PIKFYVE: variants seen among roughly 807,000 people sequenced by gnomAD.
The protein encoded by PIKFYVE is 1-phosphatidylinositol 3-phosphate 5-kinase.
PIKFYVE carries 122 observed loss-of-function variants against 257.9 expected under a neutral mutation model. The observed-to-expected ratio is 0.47, with a 90% CI of 0.41 to 0.55. The LOEUF (loss-of-function observed/expected upper bound fraction) is 0.55. Ranked by LOEUF, PIKFYVE falls within the 20% of genes least tolerant of loss-of-function variation. The probability of loss-of-function intolerance (pLI) is 0.00; values close to 1 mark genes in which losing one functional copy is unlikely to be tolerated. For missense variants in PIKFYVE, 2,160 were observed against 2,536.6 expected, an observed-to-expected ratio of 0.85 and a Z score of 3.19; for synonymous variants, 892 against 868.9, an observed-to-expected ratio of 1.03 and a Z score of -0.47.
chr2:208,335,904 A>G lies in PIKFYVE; in HGVS notation c.4365+3A>G, dbSNP rs371069246. The G allele has an allele frequency of 1.7e-5, 27 of 1,601,460 alleles. No individual in the cohort carries two copies. The African/African-American group carries it at 3.3e-4, about 20-fold the overall frequency. ...AAGATATTTTTGCACAGAAAGAGGT[A>G]ATTTATTTCTTTGGTAGAAAATTCA... On this transcript the variant is annotated splice_donor_region_variant and intron_variant, in intron 26 of 41. Coordinates refer to ENST00000264380, the MANE Select transcript of PIKFYVE (RefSeq NM_015040.4).
rs777342482 is a variant in PIKFYVE, at chr2:208,333,442, A to T, written c.4091A>T (p.His1364Leu). 6.2e-7 allele frequency: 1 copy of T among 1,614,110 alleles called. No homozygotes were observed. Among genetic ancestry groups the T allele is most frequent in the Admixed American group, 1.7e-5 (1 of 60,014 alleles). ...GCTGAGCCCTGTGGTCACTCCATCC[A>T]TCATGATTATCACCAGTATTTCTCC... ...ANAEPCGHSI[H>L]HDYHQYFSYN... is the part of the protein sequence containing the mutation. The change falls in exon 24 of 42, where the codon CAT becomes CTT. Residue 1364 changes from histidine to leucine, a missense_variant. Physicochemically the swap from His to Leu is moderately conservative, Grantham distance 99. Transcript: ENST00000264380.
intron 7 of PIKFYVE, among the ~76,000 whole-genome samples, chr2:208,295,088 T>C (rs758060935): frequency 2.6e-5 from 4 of 152,256 alleles, no homozygotes; most frequent in Admixed American, 6.5e-5. Flanking sequence ...TGGAGGTTTC[T>C]GCTCCAGTGA....
chr2:208,336,759 T>A (rs992673592), intron 27 of PIKFYVE, 79 bp from the exon 28 acceptor site: 3 of 916,398 alleles, frequency 3.3e-6, no homozygotes, highest in Non-Finnish European at 5.2e-6. Flanking sequence ...TTCAAAGTTG[T>A]AAAGAGAAAA....
At chr2:208,318,086 T>C (rs538655773) in intron 16 of PIKFYVE, 145 bp downstream of exon 16, 7 of 814,586 alleles carry the variant, frequency 8.6e-6, no homozygotes, top group Non-Finnish European at 1.5e-5. Context: ...ATTTGGTTGG[T>C]TCAGGGAAGA....
Position 208,325,811 on chromosome 2 carries a change from G to A in PIKFYVE, c.3000G>A (p.Gln1000=), listed in dbSNP as rs1233745630. The change falls in exon 20 of 42, where the codon CAG becomes CAA. Residue 1000 remains glutamine, a synonymous_variant. Coordinates refer to ENST00000264380, the MANE Select transcript of PIKFYVE (RefSeq NM_015040.4). ...GCAGCGAGCAGCCAGAGACTTTGCAGCAAACAGTTGTGCTGCAGGATCCCA... is the reference window on the plus strand; with the variant it reads ...GCAGCGAGCAGCCAGAGACTTTGCAACAAACAGTTGTGCTGCAGGATCCCA... ...ALGSEQPETL[Q]QTVVLQDPKS... The A allele has an allele frequency of 6.2e-7, 1 of 1,614,090 alleles. No homozygotes were observed. The highest frequency in any genetic ancestry group is 2.2e-5 in the East Asian group (1 of 44,874).
chr2:208,339,971 T>A (rs1490976837), intron 30 of PIKFYVE, 40 bp from the exon 31 acceptor site: 4 of 1,595,522 alleles, frequency 2.5e-6, no homozygotes, highest in Non-Finnish European at 3.4e-6. Flanking sequence ...TCTTATTCTC[T>A]GTGAATATTA....
At chr2:208,346,903 C>T (rs547422058) in intron 34 of PIKFYVE, among the ~76,000 whole-genome samples, 1 of 152,312 alleles carries the variant, frequency 6.6e-6, no homozygotes, top group Middle Eastern at 3.4e-3. Context: ...AAGGGTGTTG[C>T]AAGCTGCCGC....
upstream of PIKFYVE, chr2:208,266,212 G>A (rs112184189): frequency 0.019 from 2,789 of 147,304 alleles, 35 homozygotes; most frequent in African/African-American, 0.039. Context: ...ATTTCGGACT[G>A]GGGGACAGGA....
At position 208,338,378 on chromosome 2, in the gene PIKFYVE, G is replaced by T. The variant is rs573717408; in HGVS notation, c.4612-130G>T. ...AAAAGCTAATTAAAAATATTAAGGG[G>T]GTTTTTAGTAATTTTTTAACGGTAT... On this transcript the variant is annotated intron_variant, in intron 28 of 41. Coordinates refer to ENST00000264380, the MANE Select transcript of PIKFYVE (RefSeq NM_015040.4). 4.3e-4 allele frequency: 290 copies of T among 667,220 alleles called. 1 individual carries two copies. The highest frequency in any genetic ancestry group is 6.9e-4 in the Non-Finnish European group (266 of 386,152). The allele number at this position is 667,220 out of a possible 1,614,324, so 41.3% of individuals were successfully genotyped here. A position where few individuals can be genotyped will look rare whatever the true frequency, so the allele number is the denominator to read the frequency against.
At chr2:208,329,105 A>T (rs1697241317) in intron 21 of PIKFYVE, among the ~76,000 whole-genome samples, 1 of 152,216 alleles carries the variant, frequency 6.6e-6, no homozygotes, top group African/African-American at 2.4e-5. Flanking sequence ...ATTGTCACAA[A>T]AACCTCACAC....
At chr2:208,272,589 A>G (rs1689569261) in intron 2 of PIKFYVE, among the ~76,000 whole-genome samples, 1 of 152,204 alleles carries the variant, frequency 6.6e-6, no homozygotes. Context: ...AGAATTAAAA[A>G]ACATGGCCTA....
At position 208,325,836 on chromosome 2, in the gene PIKFYVE, A is replaced by C; in HGVS notation, c.3025A>C (p.Lys1009Gln). The C allele has an allele frequency of 1.2e-6, 2 of 1,613,914 alleles. No individual in the cohort carries two copies. The highest frequency in any genetic ancestry group is 1.7e-6 in the Non-Finnish European group (2 of 1,179,826). Residue 1009 changes from lysine to glutamine, a missense_variant, in exon 20 of 42, where the codon AAA becomes CAA. This residue lies in a region of PIKFYVE where 522 missense variants were observed against 514.6 expected (regional missense o/e 1.01). Coordinates refer to ENST00000264380, the MANE Select transcript of PIKFYVE (RefSeq NM_015040.4). ...LQQTVVLQDP[K>Q]SQIRAFRDPL... The stretch of plus-strand genomic sequence containing the variant: ...GCAAACAGTTGTGCTGCAGGATCCC[A>C]AAAGCCAGATAAGAGCCTTTAGAGA...
intron 39 of PIKFYVE, among the ~76,000 whole-genome samples, chr2:208,353,204 C>G (rs1265492300): frequency 6.6e-6 from 1 of 152,176 alleles, no homozygotes; most frequent in Non-Finnish European, 1.5e-5. Context: ...AGATAAGGAA[C>G]GTGTGCTAGA....
chr2:208,272,743 T>G (rs1427022617), intron 2 of PIKFYVE, among the ~76,000 whole-genome samples: 1 of 152,216 alleles, frequency 6.6e-6, no homozygotes, highest in East Asian at 1.9e-4. Flanking sequence ...TTTATGATCA[T>G]GTTTAAAGTG....
At position 208,304,913 on chromosome 2, in the gene PIKFYVE, C is replaced by A. The variant is rs761365321; in HGVS notation, c.1536C>A (p.Ala512=). ...AGTCCACAGTGGACAGTGACTCAGCCGCTTCTATCAGCCTGAACGTGGAGC... is the reference window on the plus strand; with the variant it reads ...AGTCCACAGTGGACAGTGACTCAGCAGCTTCTATCAGCCTGAACGTGGAGC... ...SFQSTVDSDS[A]ASISLNVELD... The change falls in exon 12 of 42, where the codon GCC becomes GCA. Residue 512 remains alanine, a synonymous_variant. Coordinates refer to ENST00000264380, the MANE Select transcript of PIKFYVE (RefSeq NM_015040.4). 14 of 1,614,134 alleles carry A rather than the reference C, an allele frequency of 8.7e-6. No homozygotes were observed. The highest frequency in any genetic ancestry group is 1.2e-5 in the Non-Finnish European group (14 of 1,180,020).
At position 208,325,664 on chromosome 2, in the gene PIKFYVE, C is replaced by G. The variant is rs770911160; in HGVS notation, c.2853C>G (p.Ala951=). 1 of 1,614,124 alleles carries G rather than the reference C, an allele frequency of 6.2e-7. No homozygotes were observed. Among genetic ancestry groups the G allele is most frequent in the East Asian group, 2.2e-5 (1 of 44,862 alleles). The part of the protein sequence containing the change: ...QENKNLPQAV[A]SVKHQEHSTT... The stretch of plus-strand genomic sequence containing the variant: ...ATAAAAATCTTCCGCAGGCTGTTGC[C>G]TCTGTGAAGCATCAAGAACATAGCA... Residue 951 remains alanine (A), a synonymous_variant, in exon 20 of 42, where the codon GCC becomes GCG. Transcript: ENST00000264380.
chr2:208,295,173 A>G (rs1441649813), intron 7 of PIKFYVE, among the ~76,000 whole-genome samples: 1 of 152,210 alleles, frequency 6.6e-6, no homozygotes, highest in African/African-American at 2.4e-5. Context: ...GACTTCTCTG[A>G]TGGACCTAAG....
intron 10 of PIKFYVE, among the ~76,000 whole-genome samples, chr2:208,303,700 TGTTCAAAG>T (rs1448135433): frequency 6.6e-6 from 1 of 152,186 alleles, no homozygotes; most frequent in Admixed American, 6.5e-5. Flanking sequence ...TTTAAACCCT[TGTTCAAAG>T]GTCAGCTGTG....
chr2:208,333,387 T>C lies in PIKFYVE; in HGVS notation c.4036T>C (p.Tyr1346His). 2 of 1,614,140 alleles carry C rather than the reference T, an allele frequency of 1.2e-6. No homozygotes were observed. Among genetic ancestry groups the C allele is most frequent in the Non-Finnish European group, 1.7e-6 (2 of 1,179,994 alleles). Reference protein sequence around the residue: ...SFAKYLELRFYGHQYTRRANA... With the variant: ...SFAKYLELRFHGHQYTRRANA... ...TGCAAAATACCTTGAACTTAGGTTTTATGGGCACCAGTATACTCGCAGAGC... is the reference window on the plus strand; with the variant it reads ...TGCAAAATACCTTGAACTTAGGTTTCATGGGCACCAGTATACTCGCAGAGC... The change falls in exon 24 of 42, where the codon TAT becomes CAT. Residue 1346 changes from tyrosine to histidine, a missense_variant. Transcript: ENST00000264380.
Sources: allele counts gnomAD v4.1 joint callset (sites outside exome capture counted in the v4.1 genomes callset), GRCh38; gene constraint gnomAD v4.1.1; regional missense constraint gnomAD v4.1.1; transcripts MANE v1.5; gene names NCBI Gene and HGNC (gene_info 2026-07-23, HGNC 2026-07-21).